The following MYH14 variants were observed in gnomAD, a reference collection of about 807,000 sequenced individuals.
MYH14 encodes the protein myosin heavy chain 14.
In MYH14, 123 loss-of-function variants were observed where a neutral mutation model predicts 255.5. That is an observed-to-expected ratio of 0.48 (90% CI 0.42 to 0.56). The LOEUF (loss-of-function observed/expected upper bound fraction) is 0.56, where lower values mean the gene tolerates loss of function less well. Among genes scored for constraint, MYH14 ranks in the 20% least tolerant of loss-of-function variants. The probability of loss-of-function intolerance (pLI) is 0.00; values close to 1 mark genes in which losing one functional copy is unlikely to be tolerated. For missense variants in MYH14, 2,423 were observed against 2,802.3 expected, an observed-to-expected ratio of 0.86 and a Z score of 3.06; for synonymous variants, 1,095 against 1,161.2, an observed-to-expected ratio of 0.94 and a Z score of 1.16.
rs2035107253 is a variant in MYH14 at position 50,266,992 on chromosome 19, A to G, written c.2810A>G (p.Gln937Arg). 1 of 1,420,876 alleles carries G rather than the reference A, an allele frequency of 7.0e-7. No homozygotes were observed. The highest frequency in any genetic ancestry group is 1.2e-5 in the South Asian group (1 of 81,384). 88.0% of individuals were successfully genotyped at this position (1,420,876 alleles called of 1,614,324 possible). The change falls in exon 23 of 43, where the codon CAG becomes CGG. Residue 937 changes from glutamine (Q) to arginine (R), a missense_variant. Gln to Arg is a conservative substitution (Grantham distance 43). Around this residue, in one of 3 missense-constraint regions of MYH14, gnomAD observed 1,513 missense variants for 1,674.8 expected, o/e 0.90. Transcript: ENST00000642316. The surrounding 1 kb of genome is among the most constrained non-coding windows in gnomAD (Gnocchi z 4.1). ...AGCGCCCGCGAAGTTGGGGAGCTCC[A>G]GGGCCGAGTGGCACAGGTGAGGGGG... ...QQSAREVGEL[Q>R]GRVAQLEEER...
intron 11 of MYH14, among the ~76,000 whole-genome samples, chr19:50,245,463 G>GAA (rs1568493073): frequency 4.9e-5 from 7 of 144,004 alleles, no homozygotes; most frequent in Non-Finnish European, 7.7e-5. Flanking sequence ...GAAGAAGAAA[G>GAA]AAAGAAAAAG....
chr19:50,234,552 G>C (rs2033568614), intron 10 of MYH14, among the ~76,000 whole-genome samples: 1 of 152,166 alleles, frequency 6.6e-6, no homozygotes, highest in African/African-American at 2.4e-5. Flanking sequence ...TATTGACACA[G>C]GGTCTTGGGC....
chr19:50,306,319 G>A (rs1303096494), intron 40 of MYH14, among the ~76,000 whole-genome samples: 4 of 152,136 alleles, frequency 2.6e-5, no homozygotes, highest in Non-Finnish European at 4.4e-5. Context: ...CTTTTCCACT[G>A]CTTAGTGCCT....
intron 22 of MYH14, among the ~76,000 whole-genome samples, chr19:50,265,433 G>A (rs983968848): frequency 1.3e-5 from 2 of 152,054 alleles, no homozygotes; most frequent in African/African-American, 4.8e-5. Flanking sequence ...GATTGCTTAA[G>A]CCCAGGAGTA....
intron 40 of MYH14, among the ~76,000 whole-genome samples, chr19:50,302,113 T>TAAAA (rs765650409): frequency 7.3e-5 from 4 of 54,618 alleles, no homozygotes; most frequent in African/African-American, 2.3e-4. Flanking sequence ...ACCTCATCTC[T>TAAAA]AAAAAAAAAA....
In MYH14 at chr19:50,286,557, C is replaced by G; in HGVS notation, c.4615C>G (p.Arg1539Gly). The G allele has an allele frequency of 6.2e-7, 1 of 1,612,106 alleles. No homozygotes were observed. The highest frequency in any genetic ancestry group is 8.5e-7 in the Non-Finnish European group (1 of 1,179,290). The change falls in exon 34 of 43, where the codon CGT (arginine) becomes GGT (glycine). Residue 1539 changes from arginine to glycine, a missense_variant. Coordinates refer to ENST00000642316, the MANE Select transcript of MYH14 (RefSeq NM_001145809.2). ...RERAEAEGRE[R>G]EARALSLTRA... is the part of the protein sequence containing the mutation. Reference sequence around the variant, plus strand: ...GCGGGCCGAGGCAGAGGGCCGGGAGCGTGAGGCTCGGGCCCTGTCACTGAC... The same window carrying G: ...GCGGGCCGAGGCAGAGGGCCGGGAGGGTGAGGCTCGGGCCCTGTCACTGAC...
chr19:50,308,910 G>A lies in MYH14; in HGVS notation c.5788-95G>A, dbSNP rs2036743823. The A allele has an allele frequency of 5.0e-6, 6 of 1,210,330 alleles. No homozygotes were observed. The South Asian group carries it at 7.6e-5, about 15-fold the overall frequency. The allele number at this position is 1,210,330 out of a possible 1,614,324, so 75.0% of individuals were successfully genotyped here. A position where few individuals can be genotyped will look rare whatever the true frequency, so the allele number is the denominator to read the frequency against. ...CAGAGGATGGGGCAGAGAGAGTCAG[G>A]GGGCAGTAGGGATGGGGCAGTAGTG... is the stretch of plus-strand genomic sequence containing the variant. On this transcript the variant is annotated intron_variant, in intron 41 of 42. Transcript: ENST00000642316.
chr19:50,210,891 G>C, intron 2 of MYH14, 121 bp downstream of exon 2: 1 of 1,451,546 alleles, frequency 6.9e-7, no homozygotes, highest in African/African-American at 1.5e-5. Flanking sequence ...CCCATGTCCC[G>C]TGACTGTTCC....
chr19:50,215,238 G>T (rs910552950), intron 2 of MYH14, among the ~76,000 whole-genome samples: 1 of 152,190 alleles, frequency 6.6e-6, no homozygotes. Flanking sequence ...GGCGTGGGGA[G>T]TGGGTTCCTC....
chr19:50,232,010 C>G lies in MYH14; in HGVS notation c.1054C>G (p.Leu352Val), dbSNP rs1345506119. ...PSSSPGQERE[L>V]FQETLESLRV... ...ATCCTCTCCCGGCCAGGAGCGGGAACTCTTCCAGGAGACGCTGGAGTCGCT... is the reference window on the plus strand; with the variant it reads ...ATCCTCTCCCGGCCAGGAGCGGGAAGTCTTCCAGGAGACGCTGGAGTCGCT... Residue 352 changes from leucine (L) to valine (V), a missense_variant, in exon 10 of 43, where the codon CTC becomes GTC. Coordinates refer to ENST00000642316, the MANE Select transcript of MYH14 (RefSeq NM_001145809.2). The G allele has an allele frequency of 1.2e-6, 2 of 1,613,708 alleles. No individual in the cohort carries two copies. Among genetic ancestry groups the G allele is most frequent in the Admixed American group, 1.7e-5 (1 of 60,012 alleles).
chr19:50,250,737 A>T lies in MYH14; in HGVS notation c.1830+49A>T. ...GGCATGTGGGAGTGGGGATCAAGGG[A>T]TCTCCACTGGCTACAGATGGGGGGA... On this transcript the variant is annotated intron_variant, in intron 15 of 42. Transcript: ENST00000642316. The surrounding 1 kb of genome is among the most constrained non-coding windows in gnomAD (Gnocchi z 5.4). The T allele has an allele frequency of 6.4e-7, 1 of 1,564,900 alleles. No individual in the cohort carries two copies. Among genetic ancestry groups the T allele is most frequent in the Non-Finnish European group, 8.7e-7 (1 of 1,146,594 alleles).
intron 3 of MYH14, among the ~76,000 whole-genome samples, chr19:50,219,144 G>T (rs1302226593): frequency 6.9e-6 from 1 of 144,702 alleles, no homozygotes; most frequent in African/African-American, 2.5e-5. Context: ...ACACACCATG[G>T]AATACATATA....
intron 1 of MYH14, among the ~76,000 whole-genome samples, chr19:50,206,875 T>A (rs1337153326): frequency 6.6e-6 from 1 of 151,678 alleles, no homozygotes; most frequent in Non-Finnish European, 1.5e-5. Context: ...CCACTGTTTC[T>A]GTGACTGATG....
At position 50,281,688 on chromosome 19, in the gene MYH14, T is replaced by A; in HGVS notation, c.4385T>A (p.Leu1462Gln). 1 of 1,611,790 alleles carries A rather than the reference T, an allele frequency of 6.2e-7. No individual in the cohort carries two copies. The highest frequency in any genetic ancestry group is 8.5e-7 in the Non-Finnish European group (1 of 1,179,458). Reference protein sequence around the residue: ...RRRAAREAEALTQRLAEKTET... With the variant: ...RRRAAREAEAQTQRLAEKTET... Reference sequence around the variant, plus strand: ...CGGGCAGCCCGGGAGGCCGAGGCCCTGACCCAGCGCCTGGCAGAAAAGACA... The same window carrying A: ...CGGGCAGCCCGGGAGGCCGAGGCCCAGACCCAGCGCCTGGCAGAAAAGACA... Residue 1462 changes from leucine to glutamine, a missense_variant, in exon 33 of 43, where the codon CTG becomes CAG. This residue lies in a region of MYH14 where 1,513 missense variants were observed against 1,674.8 expected (regional missense o/e 0.90). Coordinates refer to ENST00000642316, the MANE Select transcript of MYH14 (RefSeq NM_001145809.2).
At chr19:50,220,300 A>G (rs960758324) in intron 3 of MYH14, among the ~76,000 whole-genome samples, 4 of 151,030 alleles carry the variant, frequency 2.6e-5, no homozygotes, top group Non-Finnish European at 5.9e-5. Context: ...ATTAAATAGT[A>G]TAATATTGTG....
intron 22 of MYH14, among the ~76,000 whole-genome samples, chr19:50,265,891 C>A (rs960872083): frequency 2.6e-5 from 4 of 152,084 alleles, no homozygotes; most frequent in Admixed American, 2.6e-4. Flanking sequence ...TGTAAAATCT[C>A]AAATATTTCC....
intron 39 of MYH14, 25 bp from the exon 40 acceptor site, chr19:50,301,636 A>G (rs1568556712): frequency 6.3e-7 from 1 of 1,595,972 alleles, no homozygotes; most frequent in Admixed American, 1.7e-5. Flanking sequence ...CCACCATGAC[A>G]TCCTTCCTTC....
intron 27 of MYH14, among the ~76,000 whole-genome samples, chr19:50,275,515 G>C (rs551474548): frequency 1.4e-4 from 22 of 152,314 alleles, no homozygotes; most frequent in Non-Finnish European, 2.6e-4. Flanking sequence ...CCACTTTACA[G>C]CTAAGAAAAC....
chr19:50,230,541 G>A lies in MYH14; in HGVS notation c.891G>A (p.Ser297=). 1 of 1,565,756 alleles carries A rather than the reference G, an allele frequency of 6.4e-7. No individual in the cohort carries two copies. Among genetic ancestry groups the A allele is most frequent in the East Asian group, 2.4e-5 (1 of 42,010 alleles). ...TGTGTCCAGACCTGCTGGAGAAGTC[G>A]CGGGCCATCCGCCAGGCCAAGGACG... ...ANIETYLLEK[S]RAIRQAKDEC... Residue 297 remains serine, a synonymous_variant, in exon 9 of 43, where the codon TCG becomes TCA. Coordinates refer to ENST00000642316, the MANE Select transcript of MYH14 (RefSeq NM_001145809.2). This position sits in a 1 kb window ranked among gnomAD's most constrained non-coding sequence, Gnocchi z 4.7.
Sources: allele counts gnomAD v4.1 joint callset (sites outside exome capture counted in the v4.1 genomes callset), GRCh38; gene constraint gnomAD v4.1.1; regional missense constraint gnomAD v4.1.1; non-coding constraint Gnocchi (gnomAD v3.1); transcripts MANE v1.5; gene names NCBI Gene and HGNC (gene_info 2026-07-23, HGNC 2026-07-21).